CFAP70: variants seen among roughly 807,000 people sequenced by gnomAD.
CFAP70 encodes the protein cilia and flagella associated protein 70.
Under a neutral mutation model 137.6 loss-of-function variants are expected in CFAP70, and 81 were observed. The ratio of observed to expected loss-of-function variants is 0.59; its 90% CI spans 0.49 to 0.71. The LOEUF is 0.71. Among genes scored for constraint, CFAP70 ranks in the 30% least tolerant of loss-of-function variants. The probability of loss-of-function intolerance (pLI) is 0.00; values close to 1 mark genes in which losing one functional copy is unlikely to be tolerated. For synonymous variants in CFAP70, 382 were observed against 423.6 expected, an observed-to-expected ratio of 0.90 and a Z score of 1.20; for missense variants, 976 against 1,226.7, an observed-to-expected ratio of 0.80 and a Z score of 3.05.
intron 5 of CFAP70, among the ~76,000 whole-genome samples, chr10:73,343,347 T>C (rs2053437709): frequency 6.6e-6 from 1 of 152,014 alleles, no homozygotes; most frequent in Non-Finnish European, 1.5e-5. Flanking sequence ...CAGACACTAT[T>C]ATAGAGAAGC....
chr10:73,259,426 T>C lies in CFAP70; in HGVS notation c.3028-3010A>G, dbSNP rs186861186. Among the ~76,000 whole-genome samples, 45 of 152,312 alleles carry C rather than the reference T, an allele frequency of 3.0e-4. No homozygotes were observed. In the East Asian group the frequency reaches 7.0e-3, roughly 24 times the overall value. On this transcript the variant is annotated intron_variant, in intron 25 of 26. Transcript: ENST00000310715. ...TTTTACAATCTCCACATTAGCAAAC[T>C]GCATATTCCTATATTGTTCCCCATG...
chr10:73,353,643 T>C (rs917904491), exon 3 of CFAP70: 7 of 1,614,102 alleles, frequency 4.3e-6, no homozygotes, highest in Middle Eastern at 3.3e-4. Flanking sequence ...TATTTTGCAC[T>C]TCCTTCTGGA....
intron 9 of CFAP70, among the ~76,000 whole-genome samples, chr10:73,321,138 C>G (rs192251905): frequency 6.6e-6 from 1 of 151,796 alleles, no homozygotes; most frequent in South Asian, 2.1e-4. Context: ...AATTCCTGGC[C>G]GGGCGCAGTG....
exon 3 of CFAP70, chr10:73,353,639 G>A: frequency 6.2e-7 from 1 of 1,614,114 alleles, no homozygotes; most frequent in Non-Finnish European, 8.5e-7. Context: ...GTTGTATTTT[G>A]CACTTCCTTC....
rs183212411 is a variant in CFAP70, at chr10:73,304,698, T to C, written c.1257-5033A>G. Among the ~76,000 whole-genome samples the C allele has an allele frequency of 1.1e-3, 163 of 152,238 alleles. 1 individual carries two copies. The highest frequency in any genetic ancestry group is 1.9e-3 in the Non-Finnish European group (127 of 68,002). On this transcript the variant is annotated intron_variant, in intron 12 of 26. Coordinates refer to ENST00000310715, the Ensembl canonical transcript of CFAP70. ...GGATATTTATCTAAAGTCTTAAAAA[T>C]ACATGTAATAAATAGTCTCCAAGGT... is the stretch of plus-strand genomic sequence containing the variant.
intron 7 of CFAP70, 116 bp from the exon 9 acceptor site, chr10:73,331,392 T>C: frequency 5.7e-6 from 5 of 872,318 alleles, no homozygotes; most frequent in South Asian, 5.1e-5. Flanking sequence ...TATATAAAAA[T>C]TGGGGGGCTC....
At chr10:73,329,462 T>TACATGTACCCTAA (rs1216528952) in intron 8 of CFAP70, among the ~76,000 whole-genome samples, 1 of 151,956 alleles carries the variant, frequency 6.6e-6, no homozygotes, top group East Asian at 1.9e-4. Flanking sequence ...GCACATTGTG[T>TACATGTACCCTAA]ACATGTACCC....
intron 8 of CFAP70, among the ~76,000 whole-genome samples, chr10:73,329,586 T>C (rs999181855): frequency 6.6e-6 from 1 of 152,194 alleles, no homozygotes; most frequent in Non-Finnish European, 1.5e-5. Context: ...TTAATTGATA[T>C]ATATATTCAA....
chr10:73,303,378 C>T (rs767260794), intron 12 of CFAP70, among the ~76,000 whole-genome samples: 29 of 152,024 alleles, frequency 1.9e-4, no homozygotes, highest in African/African-American at 4.6e-4. Flanking sequence ...CCACCACGCC[C>T]GGCTAATTTT....
intron 8 of CFAP70, among the ~76,000 whole-genome samples, chr10:73,325,302 C>T (rs1249212540): frequency 6.6e-6 from 1 of 152,012 alleles, no homozygotes; most frequent in East Asian, 1.9e-4. Flanking sequence ...ATTTTGTCAC[C>T]ACCAGGCCTG....
chr10:73,279,878 A>G (rs2047130977), intron 19 of CFAP70, among the ~76,000 whole-genome samples: 1 of 152,080 alleles, frequency 6.6e-6, no homozygotes, highest in Admixed American at 6.6e-5. Flanking sequence ...AAAAGAAAAG[A>G]AAAATAACCT....
chr10:73,349,603 T>C (rs1383752413), intron 3 of CFAP70, among the ~76,000 whole-genome samples: 8 of 152,114 alleles, frequency 5.3e-5, no homozygotes, highest in Admixed American at 5.2e-4. Flanking sequence ...TCCCCCTATA[T>C]TGCCTACCAT....
At chr10:73,271,139 G>A (rs527715471) in intron 24 of CFAP70, among the ~76,000 whole-genome samples, 72 of 152,300 alleles carry the variant, frequency 4.7e-4, no homozygotes, top group Admixed American at 7.2e-4. Flanking sequence ...CAGCCTGGGT[G>A]ACAGAGCAAG....
At chr10:73,299,143 C>CA in intron 13 of CFAP70, 42 bp from the exon 15 acceptor site, 2 of 1,437,824 alleles carry the variant, frequency 1.4e-6, no homozygotes. Flanking sequence ...TCAGAGAGGT[C>CA]AAGAGCATGG....
exon 6 of CFAP70, chr10:73,341,428 C>G: frequency 6.2e-7 from 1 of 1,613,772 alleles, no homozygotes; most frequent in Non-Finnish European, 8.5e-7. Context: ...CCTTCTTCTT[C>G]TTCATAGGGA....
At chr10:73,313,918 C>T (rs1188771198) in intron 9 of CFAP70, among the ~76,000 whole-genome samples, 2 of 152,160 alleles carry the variant, frequency 1.3e-5, no homozygotes, top group Non-Finnish European at 2.9e-5. Flanking sequence ...TATTTAGTTA[C>T]CACTGACCTA....
chr10:73,300,818 C>T (rs7096853), intron 12 of CFAP70, among the ~76,000 whole-genome samples: 16,057 of 152,166 alleles, frequency 0.11, 1,216 homozygotes, highest in East Asian at 0.3. Context: ...TGAGATCGCA[C>T]CACTGCATTC....
chr10:73,260,670 A>G (rs2045076290), intron 25 of CFAP70, among the ~76,000 whole-genome samples: 1 of 152,208 alleles, frequency 6.6e-6, no homozygotes, highest in Admixed American at 6.5e-5. Context: ...CCAGGCAACC[A>G]TTGATCTATT....
At chr10:73,344,851 A>C (rs1334039399) in intron 5 of CFAP70, among the ~76,000 whole-genome samples, 1 of 151,970 alleles carries the variant, frequency 6.6e-6, no homozygotes, top group African/African-American at 2.4e-5. Context: ...ATATATTTAT[A>C]TAAATTATAT....
Sources: gnomAD v4.1 joint callset for allele counts (sites outside exome capture counted in the v4.1 genomes callset) on GRCh38, gnomAD v4.1.1 for gene constraint, MANE v1.5 for transcripts, NCBI Gene and HGNC (gene_info 2026-07-23, HGNC 2026-07-21) for gene names.